SYNE1: variants seen among roughly 807,000 people sequenced by gnomAD.
SYNE1 encodes the protein nesprin-1.
A neutral mutation model predicts 1,111.0 loss-of-function variants in SYNE1; 616 were observed. That is an observed-to-expected ratio of 0.55 (90% confidence interval 0.52 to 0.59). The LOEUF (loss-of-function observed/expected upper bound fraction) is 0.59, where lower values mean the gene tolerates loss of function less well. SYNE1 is among the 20% of genes least tolerant of loss of function. The pLI, the probability that SYNE1 is intolerant of heterozygous loss-of-function variation, is 0.00. For missense variants in SYNE1, 10,006 were observed against 10,417.0 expected, an observed-to-expected ratio of 0.96 and a Z score of 1.72; for synonymous variants, 3,855 against 3,825.8, an observed-to-expected ratio of 1.01 and a Z score of -0.28.
At chr6:152,419,390 T>C (rs1381619422) in intron 40 of SYNE1, among the ~76,000 whole-genome samples, 179 bp downstream of exon 40, 1 of 152,204 alleles carries the variant, frequency 6.6e-6, no homozygotes, top group Non-Finnish European at 1.5e-5. Context: ...ATCTGCTTAA[T>C]TGGTCTGCAT....
At chr6:152,549,035 C>G (rs9479338) in intron 3 of SYNE1, among the ~76,000 whole-genome samples, 5,402 of 152,246 alleles carry the variant, frequency 0.035, 335 homozygotes, top group African/African-American at 0.12. Context: ...TCATTTGTTA[C>G]CTAGAACTAA....
At chr6:152,487,550 G>A (rs1218097318) in intron 12 of SYNE1, among the ~76,000 whole-genome samples, 1 of 152,198 alleles carries the variant, frequency 6.6e-6, no homozygotes, top group African/African-American at 2.4e-5. Flanking sequence ...ATCAGAAGCA[G>A]AAGTCCAATT....
intron 65 of SYNE1, among the ~76,000 whole-genome samples, chr6:152,359,064 A>T (rs186057368): frequency 8.9e-4 from 136 of 152,198 alleles, no homozygotes; most frequent in African/African-American, 3.0e-3. Flanking sequence ...GGTGTCCAGA[A>T]TTTTTTTTAA....
intron 3 of SYNE1, among the ~76,000 whole-genome samples, chr6:152,606,021 G>A (rs1027275231): frequency 6.6e-6 from 1 of 152,026 alleles, no homozygotes; most frequent in African/African-American, 2.4e-5. Flanking sequence ...ATTTCCCCTA[G>A]GATAATGTAG....
Position 152,367,401 on chromosome 6 carries a change from G to A in SYNE1, c.9808-19C>T, listed in dbSNP as rs779558652. 14 of 1,612,804 alleles carry A rather than the reference G, an allele frequency of 8.7e-6. No individual in the cohort carries two copies. The highest frequency in any genetic ancestry group is 1.2e-5 in the Non-Finnish European group (14 of 1,180,016). ...CTTTCTCCTGGAAATGACAGAAATGGTTTTCGAGCTGTCCATCCCACAGAG... is the reference window on the plus strand; with the variant it reads ...CTTTCTCCTGGAAATGACAGAAATGATTTTCGAGCTGTCCATCCCACAGAG... On this transcript the variant is annotated intron_variant, in intron 61 of 145. Transcript: ENST00000367255.
At chr6:152,413,041 G>A (rs1424141869) in intron 42 of SYNE1, among the ~76,000 whole-genome samples, 1 of 151,974 alleles carries the variant, frequency 6.6e-6, no homozygotes, top group Non-Finnish European at 1.5e-5. Context: ...TAGTAGAGAT[G>A]GGATTTCACT....
chr6:152,395,016 C>G (rs2097710054), intron 51 of SYNE1, among the ~76,000 whole-genome samples: 2 of 151,992 alleles, frequency 1.3e-5, no homozygotes, highest in Non-Finnish European at 2.9e-5. Flanking sequence ...CTTCTGACCT[C>G]AGGTGATCTG....
At chr6:152,620,330 C>G (rs193213792) in intron 3 of SYNE1, among the ~76,000 whole-genome samples, 44 of 152,188 alleles carry the variant, frequency 2.9e-4, no homozygotes, top group African/African-American at 1.1e-3. Flanking sequence ...TCTGTCCGGG[C>G]TCCCTGGGTG....
intron 14 of SYNE1, chr6:152,480,918 G>C (rs1457221235): frequency 1.5e-5 from 6 of 407,198 alleles, no homozygotes; most frequent in African/African-American, 8.4e-5. Context: ...CTTTGGCAGA[G>C]AGATTGTTCT....
intron 106 of SYNE1, among the ~76,000 whole-genome samples, chr6:152,242,677 C>T (rs1008007761): frequency 2.0e-5 from 3 of 152,062 alleles, no homozygotes; most frequent in African/African-American, 7.2e-5. Context: ...CTATGATATT[C>T]GTTGTGACTT....
intron 3 of SYNE1, among the ~76,000 whole-genome samples, chr6:152,614,269 A>G (rs1376935914): frequency 6.6e-5 from 10 of 151,854 alleles, no homozygotes; most frequent in Non-Finnish European, 1.5e-4. Flanking sequence ...GAATCTACAA[A>G]GAACTCAAAT....
chr6:152,246,803 G>A (rs1201002962), intron 105 of SYNE1, among the ~76,000 whole-genome samples: 1 of 152,168 alleles, frequency 6.6e-6, no homozygotes, highest in Non-Finnish European at 1.5e-5. Flanking sequence ...TTGGGAATTA[G>A]AATGTTTTTA....
chr6:152,167,733 A>G (rs1386289521), intron 130 of SYNE1: 1 of 536,222 alleles, frequency 1.9e-6, no homozygotes, highest in Non-Finnish European at 3.8e-6. Flanking sequence ...GCTAAATTTC[A>G]GTTTCATCAG....
intron 3 of SYNE1, among the ~76,000 whole-genome samples, chr6:152,569,942 G>A (rs2623959): frequency 3.3e-5 from 5 of 152,188 alleles, no homozygotes; most frequent in South Asian, 2.1e-4. Flanking sequence ...ATCTGAATAC[G>A]ATCTTAGCCT....
intron 139 of SYNE1, among the ~76,000 whole-genome samples, chr6:152,140,489 A>G (rs1057132239): frequency 6.6e-6 from 1 of 152,210 alleles, no homozygotes; most frequent in Middle Eastern, 3.2e-3. Context: ...CTCTGAGCAC[A>G]CACATATAAA....
Position 152,409,049 on chromosome 6 carries a change from T to A in SYNE1, c.6540+19A>T. On this transcript the variant is annotated intron_variant, in intron 44 of 145. Transcript: ENST00000367255. Reference sequence around the variant, plus strand: ...GTGAATATTTAAATAGTTCACAGAATCCCAGGTGATTATCTTACATCCAGC... The same window carrying A: ...GTGAATATTTAAATAGTTCACAGAAACCCAGGTGATTATCTTACATCCAGC... 1.9e-6 allele frequency: 3 copies of A among 1,612,684 alleles called. No individual in the cohort carries two copies. The highest frequency in any genetic ancestry group is 2.5e-6 in the Non-Finnish European group (3 of 1,178,916).
At chr6:152,341,617 T>C (rs1292180726) in intron 74 of SYNE1, among the ~76,000 whole-genome samples, 1 of 152,166 alleles carries the variant, frequency 6.6e-6, no homozygotes, top group East Asian at 1.9e-4. Context: ...CGGGTGGTGT[T>C]GGGGATACAC....
At chr6:152,577,728 A>C (rs1215047641) in intron 3 of SYNE1, among the ~76,000 whole-genome samples, 2 of 152,024 alleles carry the variant, frequency 1.3e-5, no homozygotes, top group Admixed American at 1.3e-4. Flanking sequence ...GTCTACATTC[A>C]CTTAGACTGT....
At chr6:152,178,822 T>C (rs1026399902) in intron 129 of SYNE1, among the ~76,000 whole-genome samples, 5 of 152,090 alleles carry the variant, frequency 3.3e-5, no homozygotes, top group Admixed American at 6.5e-5. Flanking sequence ...GATGGTGATA[T>C]GTACTAATGA....
Sources: gnomAD v4.1 joint callset for allele counts (sites outside exome capture counted in the v4.1 genomes callset) on GRCh38, gnomAD v4.1.1 for gene constraint, MANE v1.5 for transcripts, NCBI Gene and HGNC (gene_info 2026-07-23, HGNC 2026-07-21) for gene names.